Variants in COL19A1 observed in about 807,000 individuals in gnomAD.
COL19A1 encodes collagen type XIX alpha 1 chain.
COL19A1 carries 159 observed loss-of-function variants against 190.2 expected under a neutral mutation model. The ratio of observed to expected loss-of-function variants is 0.84; its 90% confidence interval spans 0.73 to 0.95. COL19A1 has a LOEUF of 0.95. COL19A1 is among the 40% of genes least tolerant of loss of function. The pLI is 0.00. For synonymous variants in COL19A1, 509 were observed against 458.9 expected (o/e 1.11, Z -1.39); for missense variants, 1,418 against 1,431.9 (o/e 0.99, Z 0.16).
At chr6:69,915,482 C>A (rs1312758537) in intron 4 of COL19A1, among the ~76,000 whole-genome samples, 1 of 152,190 alleles carries the variant, frequency 6.6e-6, no homozygotes, top group East Asian at 1.9e-4. Flanking sequence ...AATTGGACAG[C>A]CGGGAATGCT....
chr6:69,966,295 G>A (rs1309901419), intron 11 of COL19A1, among the ~76,000 whole-genome samples: 2 of 152,150 alleles, frequency 1.3e-5, no homozygotes, highest in African/African-American at 4.8e-5. Context: ...TTGAGAACGG[G>A]CCATGATGAC....
At chr6:70,160,940 A>G (rs1404465202) in intron 34 of COL19A1, among the ~76,000 whole-genome samples, 1 of 152,164 alleles carries the variant, frequency 6.6e-6, no homozygotes, top group Non-Finnish European at 1.5e-5. Flanking sequence ...ATTTCATGTT[A>G]TAAATTGTAT....
intron 12 of COL19A1, among the ~76,000 whole-genome samples, chr6:70,031,423 G>C (rs996028587): frequency 7.9e-5 from 12 of 151,930 alleles, no homozygotes; most frequent in African/African-American, 2.9e-4. Context: ...CTGTATGCTT[G>C]TATCTTTTTA....
At chr6:70,099,075 A>C (rs1179272001) in intron 15 of COL19A1, among the ~76,000 whole-genome samples, 17 of 151,466 alleles carry the variant, frequency 1.1e-4, no homozygotes, top group East Asian at 5.8e-4. Flanking sequence ...AAAAAAAAAA[A>C]AAAAAAAATT....
chr6:70,161,542 A>C (rs1315955501), intron 34 of COL19A1, among the ~76,000 whole-genome samples: 1 of 152,106 alleles, frequency 6.6e-6, no homozygotes, highest in Admixed American at 6.6e-5. Flanking sequence ...AAGCATACAG[A>C]GTGATATAAT....
Position 70,207,850 on chromosome 6 carries a change from A to C in COL19A1, c.*576A>C, listed in dbSNP as rs1358644880. 1 of 152,008 alleles carries C rather than the reference A, an allele frequency of 6.6e-6. No individual in the cohort carries two copies. The highest frequency in any genetic ancestry group is 1.5e-5 in the Non-Finnish European group (1 of 68,010). The allele number at this position is 152,008 out of a possible 1,614,324, so 9.4% of individuals were successfully genotyped here. On this transcript the variant is annotated 3_prime_UTR_variant, in exon 51 of 51. Coordinates refer to ENST00000620364, the MANE Select transcript of COL19A1 (RefSeq NM_001858.6). ...ATAGGCAATAAGAACTTCATTTTAC[A>C]ATTTATGTTTTCAAAAAAAAAATGC...
intron 12 of COL19A1, among the ~76,000 whole-genome samples, chr6:70,031,472 C>T (rs912541529): frequency 2.6e-5 from 4 of 152,084 alleles, no homozygotes; most frequent in Non-Finnish European, 5.9e-5. Flanking sequence ...CTCACTCACC[C>T]TTTCCAGTCT....
chr6:69,990,479 C>A (rs1464605756), intron 11 of COL19A1, among the ~76,000 whole-genome samples: 1 of 152,048 alleles, frequency 6.6e-6, no homozygotes, highest in Non-Finnish European at 1.5e-5. Context: ...TAGGCACATT[C>A]TAGTTGGTTG....
intron 48 of COL19A1, among the ~76,000 whole-genome samples, chr6:70,190,794 A>T (rs1365308112): frequency 6.6e-6 from 1 of 152,196 alleles, no homozygotes; most frequent in Non-Finnish European, 1.5e-5. Context: ...ACCAATGCAG[A>T]GTAGTGTCTT....
rs9360411 is a variant in COL19A1, at chr6:70,076,964, G to A, written c.1224+8488G>A. Among the ~76,000 whole-genome samples the A allele has an allele frequency of 1.6e-3, 249 of 152,290 alleles. 2 individuals are homozygous for A. Among genetic ancestry groups the A allele is most frequent in the East Asian group, 4.2e-3 (22 of 5,186 alleles). On this transcript the variant is annotated intron_variant, in intron 15 of 50. Coordinates refer to ENST00000620364, the MANE Select transcript of COL19A1 (RefSeq NM_001858.6). Reference sequence around the variant, plus strand: ...GTTATTTATCCATTTGGGATGGAGCGAATATATGTGTGGATGGCTGCCAAA... The same window carrying A: ...GTTATTTATCCATTTGGGATGGAGCAAATATATGTGTGGATGGCTGCCAAA...
chr6:70,102,073 C>A, intron 15 of COL19A1, 96 bp from the exon 16 acceptor site: 3 of 1,026,248 alleles, frequency 2.9e-6, no homozygotes, highest in South Asian at 1.4e-5. Context: ...ACTTTCTGTT[C>A]ATTTTTACTG....
chr6:69,975,061 T>G (rs1775640337), intron 11 of COL19A1, among the ~76,000 whole-genome samples: 1 of 151,958 alleles, frequency 6.6e-6, no homozygotes, highest in South Asian at 2.1e-4. Flanking sequence ...GATCCACCTG[T>G]CTCGGCCTCC....
rs541825700 is a variant in COL19A1, at chr6:70,090,473, A to G, written c.1225-11696A>G. 7.9e-5 allele frequency among the ~76,000 whole-genome samples: 12 copies of G among 150,946 alleles called. No individual in the cohort carries two copies. In the East Asian group the frequency reaches 2.2e-3, roughly 28 times the overall value. On this transcript the variant is annotated intron_variant, in intron 15 of 50. Transcript: ENST00000620364. Reference sequence around the variant, plus strand: ...GTAGCTTATATGCAGATTCTATACCATTTTATATAAGATACTTGAATGGCT... The same window carrying G: ...GTAGCTTATATGCAGATTCTATACCGTTTTATATAAGATACTTGAATGGCT...
At chr6:70,093,979 A>G (rs1480526463) in intron 15 of COL19A1, among the ~76,000 whole-genome samples, 1 of 152,172 alleles carries the variant, frequency 6.6e-6, no homozygotes, top group African/African-American at 2.4e-5. Flanking sequence ...CTCTGAACCT[A>G]TTTCAAGTCA....
intron 41 of COL19A1, among the ~76,000 whole-genome samples, chr6:70,172,340 T>C (rs183768357): frequency 6.6e-6 from 1 of 152,126 alleles, no homozygotes; most frequent in Non-Finnish European, 1.5e-5. Flanking sequence ...CCAAGTCCCC[T>C]CCAGTCTGGA....
intron 11 of COL19A1, among the ~76,000 whole-genome samples, chr6:70,017,570 T>A (rs1254544680): frequency 6.6e-6 from 1 of 152,172 alleles, no homozygotes; most frequent in Non-Finnish European, 1.5e-5. Flanking sequence ...ATATAGATGA[T>A]CATTGTAGCT....
chr6:69,949,378 G>GA (rs775828592), intron 9 of COL19A1, among the ~76,000 whole-genome samples: 6 of 151,732 alleles, frequency 4.0e-5, no homozygotes, highest in Non-Finnish European at 8.8e-5. Context: ...ACTCTTGAGT[G>GA]AAAAAATGCC....
At chr6:70,194,802 T>C (rs149846034) in intron 48 of COL19A1, among the ~76,000 whole-genome samples, 142 of 152,164 alleles carry the variant, frequency 9.3e-4, no homozygotes, top group African/African-American at 3.3e-3. Context: ...CTCTCTAAGT[T>C]CTTGAGTCAA....
chr6:69,896,847 T>G (rs533865981), intron 2 of COL19A1, among the ~76,000 whole-genome samples: 1 of 152,352 alleles, frequency 6.6e-6, no homozygotes, highest in African/African-American at 2.4e-5. Context: ...AAGCTTTTTT[T>G]GTTATTGATT....
Sources: gnomAD v4.1 joint callset for allele counts (sites outside exome capture counted in the v4.1 genomes callset) on GRCh38, gnomAD v4.1.1 for gene constraint, MANE v1.5 for transcripts, NCBI Gene and HGNC (gene_info 2026-07-23, HGNC 2026-07-21) for gene names.